Variants in ASIC2 observed in about 807,000 individuals in gnomAD.
The protein encoded by ASIC2 is acid sensing ion channel subunit 2.
In ASIC2, 25 loss-of-function variants were observed where a neutral mutation model predicts 57.3. The ratio of observed to expected loss-of-function variants is 0.44; its 90% CI spans 0.32 to 0.61. The LOEUF is 0.61. Among genes scored for constraint, ASIC2 ranks in the 20% least tolerant of loss-of-function variants. The pLI is 0.06. For missense variants in ASIC2, 641 were observed against 738.1 expected (o/e 0.87, Z 1.52); for synonymous variants, 319 against 307.5 (o/e 1.04, Z -0.39).
chr17:33,672,108 G>T (rs1031261293), intron 1 of ASIC2, among the ~76,000 whole-genome samples: 1 of 152,070 alleles, frequency 6.6e-6, no homozygotes, highest in African/African-American at 2.4e-5. Context: ...AAACCTCCCG[G>T]TTCTTAACCC....
At chr17:33,676,974 C>T (rs926698958) in intron 1 of ASIC2, among the ~76,000 whole-genome samples, 1 of 152,142 alleles carries the variant, frequency 6.6e-6, no homozygotes, top group African/African-American at 2.4e-5. Context: ...CATGCCACTG[C>T]CTCGCTTGCA....
chr17:33,021,657 G>T (rs1026894815), intron 6 of ASIC2, among the ~76,000 whole-genome samples: 2 of 152,210 alleles, frequency 1.3e-5, no homozygotes, highest in African/African-American at 4.8e-5. Flanking sequence ...TTAATCTTCT[G>T]ACAAGGCTTG....
chr17:33,587,019 T>C (rs1387428422), intron 1 of ASIC2, among the ~76,000 whole-genome samples: 1 of 152,236 alleles, frequency 6.6e-6, no homozygotes, highest in Non-Finnish European at 1.5e-5. Context: ...TATCAATGAC[T>C]TAAACCAAAA....
chr17:33,470,248 T>C (rs989171576), intron 1 of ASIC2, among the ~76,000 whole-genome samples: 2 of 152,170 alleles, frequency 1.3e-5, no homozygotes, highest in South Asian at 4.2e-4. Flanking sequence ...GACAAGTCTC[T>C]AAACTAATGC....
chr17:33,232,172 A>G (rs1185005160), intron 1 of ASIC2, among the ~76,000 whole-genome samples: 2 of 152,146 alleles, frequency 1.3e-5, no homozygotes, highest in African/African-American at 4.8e-5. Context: ...AACTATCGTG[A>G]TAGGATTAGT....
chr17:33,359,608 A>G (rs1032707107), intron 1 of ASIC2, among the ~76,000 whole-genome samples: 5 of 152,232 alleles, frequency 3.3e-5, no homozygotes, highest in Non-Finnish European at 7.3e-5. Context: ...TCCATGCACC[A>G]AAAACTTCTC....
intron 1 of ASIC2, among the ~76,000 whole-genome samples, chr17:33,503,096 A>G (rs569892890): frequency 3.9e-4 from 59 of 152,208 alleles, no homozygotes; most frequent in African/African-American, 9.4e-4. Flanking sequence ...GCAACCATAC[A>G]AGGTAATTGG....
intron 1 of ASIC2, among the ~76,000 whole-genome samples, chr17:33,415,179 A>G (rs1910799415): frequency 6.6e-6 from 1 of 152,192 alleles, no homozygotes; most frequent in Admixed American, 6.5e-5. Flanking sequence ...GGACTAGAAG[A>G]TTTGACAGCT....
At chr17:33,903,868 A>C (rs1915281025) in intron 1 of ASIC2, among the ~76,000 whole-genome samples, 1 of 152,172 alleles carries the variant, frequency 6.6e-6, no homozygotes, top group Admixed American at 6.5e-5. Flanking sequence ...ATGGGGCTTA[A>C]AGAATTATAG....
chr17:33,932,122 A>C (rs1047108127), intron 1 of ASIC2, among the ~76,000 whole-genome samples: 1 of 151,990 alleles, frequency 6.6e-6, no homozygotes, highest in Non-Finnish European at 1.5e-5. Context: ...GGTGATCTGG[A>C]ATGGGTTCTT....
intron 1 of ASIC2, among the ~76,000 whole-genome samples, chr17:33,241,762 G>A (rs1908514008): frequency 6.6e-6 from 1 of 152,144 alleles, no homozygotes; most frequent in South Asian, 2.1e-4. Context: ...TCTGCCAGTG[G>A]AGATATCTAA....
chr17:33,589,043 A>C (rs1292166392), intron 1 of ASIC2, among the ~76,000 whole-genome samples: 1 of 152,252 alleles, frequency 6.6e-6, no homozygotes, highest in African/African-American at 2.4e-5. Flanking sequence ...TCATTACTTA[A>C]ATAAACATAT....
chr17:34,035,400 T>G (rs1040849312), intron 1 of ASIC2, among the ~76,000 whole-genome samples: 11 of 146,764 alleles, frequency 7.5e-5, no homozygotes, highest in Non-Finnish European at 1.5e-4. Flanking sequence ...ATTAAAGACT[T>G]AAACGTTAGA....
intron 1 of ASIC2, among the ~76,000 whole-genome samples, chr17:33,838,708 T>A (rs1237775547): frequency 2.0e-5 from 3 of 152,184 alleles, no homozygotes; most frequent in African/African-American, 7.2e-5. Flanking sequence ...CTTTATGATC[T>A]CACACATGCT....
In ASIC2 at chr17:33,701,138, A is replaced by C. The variant is rs551744996; in HGVS notation, c.555+454840T>G. On this transcript the variant is annotated intron_variant, in intron 1 of 9. Transcript: ENST00000359872. ...AACACATTATTTTTGATAAAATTGC[A>C]ACCTGTCAGGGATAGCAAAGAACCC... Among the ~76,000 whole-genome samples the C allele has an allele frequency of 3.9e-5, 6 of 152,274 alleles. No individual in the cohort carries two copies. In the South Asian group the frequency reaches 1.0e-3, roughly 26 times the overall value.
intron 1 of ASIC2, among the ~76,000 whole-genome samples, chr17:34,131,115 C>T (rs1911942641): frequency 2.0e-5 from 3 of 152,144 alleles, no homozygotes; most frequent in Admixed American, 2.0e-4. Context: ...GGAAAGAAAG[C>T]CTTCGGGAAA....
chr17:33,653,372 C>A (rs1906981636), intron 1 of ASIC2, among the ~76,000 whole-genome samples: 1 of 152,200 alleles, frequency 6.6e-6, no homozygotes, highest in African/African-American at 2.4e-5. Context: ...ATCATTTGAC[C>A]ACACTGTTTT....
intron 1 of ASIC2, among the ~76,000 whole-genome samples, chr17:34,149,298 G>C (rs1260737739): frequency 6.6e-6 from 1 of 151,366 alleles, no homozygotes; most frequent in South Asian, 2.1e-4. Flanking sequence ...GTAGAGACTG[G>C]GTTTTACTAT....
intron 1 of ASIC2, among the ~76,000 whole-genome samples, chr17:34,099,140 GAGAGAC>G (rs1355055569): frequency 2.4e-4 from 6 of 24,850 alleles, no homozygotes; most frequent in African/African-American, 5.8e-4. Flanking sequence ...GAGAGAGAGA[GAGAGAC>G]AGAGAGAGAG....
Sources: allele counts gnomAD v4.1 joint callset (sites outside exome capture counted in the v4.1 genomes callset), GRCh38; gene constraint gnomAD v4.1.1; transcripts MANE v1.5; gene names NCBI Gene and HGNC (gene_info 2026-07-23, HGNC 2026-07-21).